Variants in SDK1 observed in about 807,000 individuals in gnomAD.
SDK1 encodes the protein sidekick cell adhesion molecule 1, also known as protein sidekick-1.
In SDK1, 157 loss-of-function variants were observed where a neutral mutation model predicts 245.5. The ratio of observed to expected loss-of-function variants is 0.64; its 90% CI spans 0.56 to 0.73. The LOEUF (loss-of-function observed/expected upper bound fraction) is 0.73. SDK1 is among the 30% of genes least tolerant of loss of function. The pLI, the probability that SDK1 is intolerant of heterozygous loss-of-function variation, is 0.00. For synonymous variants in SDK1, 1,647 were observed against 1,278.5 expected, an observed-to-expected ratio of 1.29 and a Z score of -6.15; for missense variants, 3,583 against 3,002.3, an observed-to-expected ratio of 1.19 and a Z score of -4.52.
intron 1 of SDK1, among the ~76,000 whole-genome samples, chr7:3,455,686 A>G (rs1190504448): frequency 6.6e-6 from 1 of 152,140 alleles, no homozygotes; most frequent in Non-Finnish European, 1.5e-5. Context: ...ATGGAGCTAT[A>G]TGGTAGGCCT....
At chr7:3,392,040 G>A (rs1421340046) in intron 1 of SDK1, among the ~76,000 whole-genome samples, 1 of 151,296 alleles carries the variant, frequency 6.6e-6, no homozygotes, top group African/African-American at 2.4e-5. Context: ...CTTTTATGGA[G>A]ACAAATAAAT....
intron 5 of SDK1, among the ~76,000 whole-genome samples, chr7:3,865,506 A>G (rs1001684765): frequency 3.3e-5 from 5 of 151,978 alleles, no homozygotes; most frequent in African/African-American, 9.7e-5. Flanking sequence ...GAGTTCTTTT[A>G]TTTTGTTTTA....
At chr7:3,828,548 A>G (rs73310047) in intron 5 of SDK1, among the ~76,000 whole-genome samples, 22,387 of 151,790 alleles carry the variant, frequency 0.15, 1,768 homozygotes, top group Middle Eastern at 0.31. Context: ...TTGAATGTCA[A>G]TAATAATTGT....
At chr7:3,545,759 C>T (rs1288619744) in intron 1 of SDK1, among the ~76,000 whole-genome samples, 1 of 152,210 alleles carries the variant, frequency 6.6e-6, no homozygotes, top group Non-Finnish European at 1.5e-5. Context: ...TCTGAGACTT[C>T]TGGCCGCTGT....
At chr7:3,500,650 G>A (rs1452151469) in intron 1 of SDK1, among the ~76,000 whole-genome samples, 2 of 150,366 alleles carry the variant, frequency 1.3e-5, no homozygotes, top group Admixed American at 6.6e-5. Context: ...TTTGTGCTCG[G>A]TACTCAGTGG....
chr7:4,010,188 G>T (rs772721915), intron 14 of SDK1, among the ~76,000 whole-genome samples: 6 of 152,234 alleles, frequency 3.9e-5, no homozygotes, highest in African/African-American at 1.4e-4. Flanking sequence ...AATGGGAACC[G>T]ACAGCGGATG....
intron 1 of SDK1, 41 bp from the exon 2 acceptor site, chr7:3,619,039 C>A (rs1204666720): frequency 4.8e-6 from 7 of 1,449,736 alleles, no homozygotes; most frequent in Non-Finnish European, 6.6e-6. Flanking sequence ...CACTTTCATG[C>A]GTACTTCAGT....
chr7:4,061,836 C>G (rs2128171129), intron 19 of SDK1, among the ~76,000 whole-genome samples: 1 of 151,906 alleles, frequency 6.6e-6, no homozygotes, highest in African/African-American at 2.4e-5. Context: ...TTTGTAGGGA[C>G]ATGGATGAAA....
chr7:3,954,116 C>CA (rs869270375), intron 7 of SDK1, among the ~76,000 whole-genome samples: 2 of 90 alleles, frequency 0.022, no homozygotes, highest in South Asian at 0.33. Flanking sequence ...GGGCTGTTTG[C>CA]CCACCTGCCT....
chr7:3,979,148 C>T (rs1783200348), intron 13 of SDK1, among the ~76,000 whole-genome samples: 1 of 152,160 alleles, frequency 6.6e-6, no homozygotes, highest in Non-Finnish European at 1.5e-5. Flanking sequence ...TTGGACAAAT[C>T]CCCTCACTTC....
At chr7:3,689,771 T>C (rs1311016618) in intron 4 of SDK1, among the ~76,000 whole-genome samples, 1 of 152,206 alleles carries the variant, frequency 6.6e-6, no homozygotes, top group African/African-American at 2.4e-5. Context: ...TTGGAAGTTA[T>C]TATTTTTATT....
intron 26 of SDK1, chr7:4,129,556 T>C: frequency 2.9e-6 from 2 of 693,538 alleles, no homozygotes; most frequent in Non-Finnish European, 1.9e-6. Context: ...TGCTGGCTCC[T>C]GTGGCAGGAA....
intron 4 of SDK1, among the ~76,000 whole-genome samples, chr7:3,761,041 A>C: frequency 6.6e-6 from 1 of 152,284 alleles, no homozygotes. Context: ...TACATTTTCA[A>C]TTCACTTGAG....
chr7:3,598,635 C>T (rs1262082654), intron 1 of SDK1, among the ~76,000 whole-genome samples: 1 of 152,202 alleles, frequency 6.6e-6, no homozygotes. Flanking sequence ...CCATCCCTGG[C>T]CCTGGCAAAC....
At chr7:3,703,139 C>G (rs1164472798) in intron 4 of SDK1, among the ~76,000 whole-genome samples, 1 of 151,564 alleles carries the variant, frequency 6.6e-6, no homozygotes, top group African/African-American at 2.4e-5. Context: ...AAATGAAAAC[C>G]TGTGTCTACA....
intron 35 of SDK1, among the ~76,000 whole-genome samples, chr7:4,196,642 C>T (rs1016925593): frequency 6.6e-6 from 1 of 151,426 alleles, no homozygotes; most frequent in Non-Finnish European, 1.5e-5. Context: ...AGCCCTGCTG[C>T]TCACCCCCAC....
chr7:3,964,343 G>C (rs188544767), intron 9 of SDK1, among the ~76,000 whole-genome samples: 1 of 152,066 alleles, frequency 6.6e-6, no homozygotes, highest in East Asian at 1.9e-4. Context: ...GCCTCTTCCC[G>C]CACTAAGCCC....
intron 1 of SDK1, among the ~76,000 whole-genome samples, chr7:3,474,986 C>G (rs561718252): frequency 6.6e-6 from 1 of 152,294 alleles, no homozygotes; most frequent in African/African-American, 2.4e-5. Flanking sequence ...CCACCGTGTC[C>G]AGCCCTGACC....
Position 3,942,879 on chromosome 7 carries a change from C to T in SDK1, c.848-8044C>T, listed in dbSNP as rs115214991. Among the ~76,000 whole-genome samples, 455 of 152,300 alleles carry T rather than the reference C, an allele frequency of 3.0e-3. 2 individuals are homozygous for T. Among genetic ancestry groups the T allele is most frequent in the African/African-American group, 0.01 (435 of 41,566 alleles). ...ATGTGGTTCATGTTGCCCATGTCCACTTGGAGGTTATGCCTGAGTCTCATG... is the reference window on the plus strand; with the variant it reads ...ATGTGGTTCATGTTGCCCATGTCCATTTGGAGGTTATGCCTGAGTCTCATG... On this transcript the variant is annotated intron_variant, in intron 5 of 44. Coordinates refer to ENST00000404826, the MANE Select transcript of SDK1 (RefSeq NM_152744.4).
Sources: allele counts gnomAD v4.1 joint callset (sites outside exome capture counted in the v4.1 genomes callset), GRCh38; gene constraint gnomAD v4.1.1; transcripts MANE v1.5; gene names NCBI Gene and HGNC (gene_info 2026-07-23, HGNC 2026-07-21).